TCEA1: variants seen among roughly 807,000 people sequenced by gnomAD.
TCEA1 encodes transcription elongation factor A1, also known as transcription elongation factor A protein 1.
A neutral mutation model predicts 43.8 loss-of-function variants in TCEA1; 21 were observed. The ratio of observed to expected loss-of-function variants is 0.48; its 90% confidence interval spans 0.34 to 0.69. TCEA1 has a LOEUF of 0.69. Ranked by LOEUF, TCEA1 falls within the 30% of genes least tolerant of loss-of-function variation. The pLI is 0.01. For synonymous variants in TCEA1, 104 were observed against 117.5 expected (o/e 0.88, Z 0.75); for missense variants, 250 against 365.1 (o/e 0.68, Z 2.57).
chr8:53,981,798 G>A (rs925191572), intron 7 of TCEA1, among the ~76,000 whole-genome samples: 5 of 149,796 alleles, frequency 3.3e-5, no homozygotes, highest in Admixed American at 2.0e-4. Context: ...TGTCACCCAC[G>A]CTGGAGCGCA....
At chr8:54,021,304 G>A (rs1254288482) in intron 1 of TCEA1, among the ~76,000 whole-genome samples, 1 of 152,150 alleles carries the variant, frequency 6.6e-6, no homozygotes, top group East Asian at 1.9e-4. Flanking sequence ...AACCACAAAA[G>A]CATATGCTTA....
At chr8:54,007,134 G>C (rs1200159671) in intron 2 of TCEA1, among the ~76,000 whole-genome samples, 1 of 152,086 alleles carries the variant, frequency 6.6e-6, no homozygotes, top group Non-Finnish European at 1.5e-5. Context: ...GAGCCACCTG[G>C]TCGGCCTAGA....
chr8:54,022,021 G>A (rs763146669), intron 1 of TCEA1, 42 bp downstream of exon 1: 3 of 1,551,472 alleles, frequency 1.9e-6, no homozygotes, highest in South Asian at 1.2e-5. Flanking sequence ...GCCGGACCGC[G>A]GCCCGGCCTC....
intron 1 of TCEA1, among the ~76,000 whole-genome samples, chr8:54,011,888 T>A (rs1178185648): frequency 6.6e-6 from 1 of 152,178 alleles, no homozygotes; most frequent in Non-Finnish European, 1.5e-5. Flanking sequence ...AATAAAAATT[T>A]AAGTTCAACA....
chr8:53,985,750 C>T (rs150042243), intron 6 of TCEA1, among the ~76,000 whole-genome samples: 5 of 152,290 alleles, frequency 3.3e-5, no homozygotes, highest in African/African-American at 4.8e-5. Flanking sequence ...AGCCCTTTCC[C>T]GGTGCTTAGC....
chr8:54,019,604 A>T (rs1309133439), intron 1 of TCEA1, among the ~76,000 whole-genome samples: 1 of 152,028 alleles, frequency 6.6e-6, no homozygotes, highest in African/African-American at 2.4e-5. Context: ...TTCATAATAT[A>T]AAACATTAAA....
At chr8:53,997,213 GTTC>G (rs1281353017) in intron 3 of TCEA1, among the ~76,000 whole-genome samples, 1 of 151,958 alleles carries the variant, frequency 6.6e-6, no homozygotes, top group Non-Finnish European at 1.5e-5. Context: ...TGGCCAGAAG[GTTC>G]TTCTTCTAAC....
At chr8:54,017,368 C>T (rs1028153222) in intron 1 of TCEA1, among the ~76,000 whole-genome samples, 1 of 152,218 alleles carries the variant, frequency 6.6e-6, no homozygotes, top group South Asian at 2.1e-4. Context: ...ACCAACTCTT[C>T]CTTTCTCCTC....
At chr8:53,994,427 A>G (rs1665604529) in intron 3 of TCEA1, among the ~76,000 whole-genome samples, 1 of 152,322 alleles carries the variant, frequency 6.6e-6, no homozygotes, top group South Asian at 2.1e-4. Flanking sequence ...AGAAAATTTA[A>G]GGTGGTATCC....
At chr8:54,020,853 G>C (rs867136965) in intron 1 of TCEA1, among the ~76,000 whole-genome samples, 13 of 152,144 alleles carry the variant, frequency 8.5e-5, no homozygotes, top group Admixed American at 2.0e-4. Flanking sequence ...AAAATGTGCC[G>C]AACGTGGTTA....
intron 8 of TCEA1, chr8:53,971,377 G>A (rs1464502138): frequency 1.3e-5 from 2 of 152,344 alleles, no homozygotes; most frequent in African/African-American, 2.4e-5. Flanking sequence ...TCGGGAGGCT[G>A]AGGCAGGTGG....
At chr8:53,989,039 G>A (rs1803785443) in intron 4 of TCEA1, among the ~76,000 whole-genome samples, 1 of 151,526 alleles carries the variant, frequency 6.6e-6, no homozygotes, top group Non-Finnish European at 1.5e-5. Context: ...CTGCACTCCA[G>A]CCTGGGTGAC....
chr8:53,997,623 C>A (rs565538204), intron 3 of TCEA1, among the ~76,000 whole-genome samples: 7 of 152,214 alleles, frequency 4.6e-5, no homozygotes, highest in South Asian at 2.1e-4. Context: ...AGGGGCCAAG[C>A]GCGATGGCTC....
At chr8:53,987,095 T>A in intron 5 of TCEA1, 70 bp from the exon 6 acceptor site, 1 of 1,231,280 alleles carries the variant, frequency 8.1e-7, no homozygotes, top group Non-Finnish European at 1.2e-6. Context: ...ACCAGGTAAT[T>A]AAACTGCATT....
intron 4 of TCEA1, among the ~76,000 whole-genome samples, chr8:53,991,568 C>G (rs534616941): frequency 4.0e-5 from 6 of 151,790 alleles, no homozygotes; most frequent in Admixed American, 2.6e-4. Context: ...GTGGCACATG[C>G]CTGTAATCCC....
intron 2 of TCEA1, among the ~76,000 whole-genome samples, chr8:54,008,853 ATT>A (rs1214827346): frequency 4.3e-5 from 6 of 140,242 alleles, no homozygotes; most frequent in Non-Finnish European, 6.2e-5. Flanking sequence ...TTATTTATTT[ATT>A]TTTTTTTTTT....
chr8:53,985,299 G>C lies in TCEA1; in HGVS notation c.524-782C>G, dbSNP rs1461992413. Among the ~76,000 whole-genome samples, 8 of 152,304 alleles carry C rather than the reference G, an allele frequency of 5.3e-5. No homozygotes were observed. The East Asian group carries it at 1.4e-3, about 26-fold the overall frequency. On this transcript the variant is annotated intron_variant, in intron 6 of 9. Coordinates refer to ENST00000521604, the MANE Select transcript of TCEA1 (RefSeq NM_006756.4). ...CTCAAAGTGCTGGGATTATAGGCGT[G>C]AGCCACCGCGCCCGGCCTAGTCATG... is the stretch of plus-strand genomic sequence containing the variant.
chr8:53,991,261 C>T (rs768050285), intron 4 of TCEA1, among the ~76,000 whole-genome samples: 3 of 151,600 alleles, frequency 2.0e-5, no homozygotes, highest in Admixed American at 6.6e-5. Flanking sequence ...GGTGTGTTGA[C>T]GTGCACCTCT....
Position 53,984,449 on chromosome 8 carries a change from G to C in TCEA1, c.592C>G (p.Leu198Val). ...KNRVRSRISN[L>V]KDAKNPNLRK... ...AAATTTGGATTTTTTGCATCTTTAA[G>C]ATTTGATATCCTACTTCGTACTCTA... Residue 198 changes from leucine to valine, a missense_variant, in exon 7 of 10, where the codon CTT (leucine) becomes GTT (valine). This residue lies in a region of TCEA1 where 147 missense variants were observed against 160.3 expected (regional missense o/e 0.92). Coordinates refer to ENST00000521604, the MANE Select transcript of TCEA1 (RefSeq NM_006756.4). 4.4e-6 allele frequency: 7 copies of C among 1,603,042 alleles called. No individual in the cohort carries two copies. The highest frequency in any genetic ancestry group is 6.0e-6 in the Non-Finnish European group (7 of 1,174,948).
Sources: gnomAD v4.1 joint callset for allele counts (sites outside exome capture counted in the v4.1 genomes callset) on GRCh38, gnomAD v4.1.1 for gene constraint, gnomAD v4.1.1 regional missense constraint, MANE v1.5 for transcripts, NCBI Gene and HGNC (gene_info 2026-07-23, HGNC 2026-07-21) for gene names.